AGTPBP1: variants seen among roughly 807,000 people sequenced by gnomAD.
AGTPBP1 encodes the protein ATP/GTP binding carboxypeptidase 1, also known as cytosolic carboxypeptidase 1.
AGTPBP1 carries 70 observed loss-of-function variants against 143.9 expected under a neutral mutation model. That is an observed-to-expected ratio of 0.49 (90% CI 0.40 to 0.59). The LOEUF (loss-of-function observed/expected upper bound fraction) is 0.59, where lower values mean the gene tolerates loss of function less well. AGTPBP1 is among the 20% of genes least tolerant of loss of function. The pLI is 0.00. For missense variants in AGTPBP1, 1,229 were observed against 1,464.5 expected, an observed-to-expected ratio of 0.84 and a Z score of 2.62; for synonymous variants, 463 against 500.2, an observed-to-expected ratio of 0.93 and a Z score of 0.99.
chr9:85,761,487 G>A, the AGTPBP1 span, among the ~76,000 whole-genome samples: 3 of 152,166 alleles, frequency 2.0e-5, no homozygotes, highest in African/African-American at 4.8e-5. Context: ...ACAACTCTCT[G>A]ATCTTTGACA....
intron 8 of AGTPBP1, 33 bp from the exon 9 acceptor site, chr9:85,661,006 C>A (rs2133979263): frequency 1.3e-6 from 2 of 1,561,850 alleles, no homozygotes; most frequent in Middle Eastern, 1.7e-4. Context: ...CAAACAACAA[C>A]AAAACTAGTA....
the AGTPBP1 span, among the ~76,000 whole-genome samples, chr9:85,792,750 A>ACTTTATCAAATAAATG: frequency 1.4e-3 from 209 of 152,236 alleles, 2 homozygotes; most frequent in South Asian, 3.7e-3. Flanking sequence ...ACATAGTCTT[A>ACTTTATCAAATAAATG]CTTTATCAAA....
intron 17 of AGTPBP1, among the ~76,000 whole-genome samples, chr9:85,601,895 T>G (rs1829696106): frequency 6.6e-6 from 1 of 152,042 alleles, no homozygotes; most frequent in Admixed American, 6.6e-5. Context: ...AACCACACCC[T>G]AAGCCAGTGA....
intron 14 of AGTPBP1, among the ~76,000 whole-genome samples, chr9:85,627,663 T>G (rs1392467114): frequency 5.3e-5 from 8 of 152,150 alleles, no homozygotes; most frequent in Admixed American, 4.6e-4. Context: ...CCTTCCCCTT[T>G]GCCCCTGCTG....
rs142859733 is a variant in AGTPBP1 at position 85,582,139 on chromosome 9, C to T, written c.3166-3043G>A. Among the ~76,000 whole-genome samples the T allele has an allele frequency of 4.1e-3, 631 of 152,216 alleles. 5 individuals carry two copies. The highest frequency in any genetic ancestry group is 0.014 in the African/African-American group (578 of 41,538). On this transcript the variant is annotated intron_variant, in intron 23 of 25. Transcript: ENST00000357081. ...ATTTTCATTTTTCTGTCACCCTTAA[C>T]GTTAATATCTTAACCATAGTTCAGT...
At chr9:85,783,964 T>C in the AGTPBP1 span, among the ~76,000 whole-genome samples, 1 of 152,250 alleles carries the variant, frequency 6.6e-6, no homozygotes. Flanking sequence ...ACAAGACTTA[T>C]ATTTTCTTTG....
At chr9:85,757,471 G>C in the AGTPBP1 span, among the ~76,000 whole-genome samples, 1 of 151,898 alleles carries the variant, frequency 6.6e-6, no homozygotes, top group Non-Finnish European at 1.5e-5. Context: ...CAGTAGAGGA[G>C]ATAACAGAGG....
chr9:85,724,284 C>T (rs1490658912), intron 1 of AGTPBP1, among the ~76,000 whole-genome samples: 1 of 118,500 alleles, frequency 8.4e-6, no homozygotes, highest in Non-Finnish European at 1.6e-5. Context: ...GAGACTTTGT[C>T]TCAAAAAAAA....
In AGTPBP1 at chr9:85,589,670, T is replaced by C. The variant is rs149254033; in HGVS notation, c.2580A>G (p.Gln860=). The part of the protein sequence containing the change: ...YTYSTLQMHL[Q]KLESAHNPQQ... ...GAGGATTGTGTGCTGATTCCAATTT[T>C]TGAAGATGCATCTTGATAAAAATTT... Residue 860 remains glutamine (Q), a synonymous_variant, in exon 20 of 26, where the codon CAA becomes CAG. Transcript: ENST00000357081. The C allele has an allele frequency of 6.2e-7, 1 of 1,603,588 alleles. No homozygotes were observed. Among genetic ancestry groups the C allele is most frequent in the African/African-American group, 1.3e-5 (1 of 74,226 alleles).
At chr9:85,584,502 A>G (rs1184811772) in intron 23 of AGTPBP1, among the ~76,000 whole-genome samples, 1 of 152,202 alleles carries the variant, frequency 6.6e-6, no homozygotes. Flanking sequence ...TTATTCTCAC[A>G]CTTGCTGATA....
chr9:85,690,537 G>GAGTAC (rs1026699112), intron 3 of AGTPBP1, among the ~76,000 whole-genome samples: 1 of 152,024 alleles, frequency 6.6e-6, no homozygotes, highest in African/African-American at 2.4e-5. Flanking sequence ...GTATGGTCAG[G>GAGTAC]AGTACTTTCA....
At chr9:85,710,221 G>T (rs12551543) in intron 2 of AGTPBP1, among the ~76,000 whole-genome samples, 12,462 of 151,912 alleles carry the variant, frequency 0.082, 1,183 homozygotes, top group East Asian at 0.55. Flanking sequence ...TGTATTAAGT[G>T]TTATACTCAT....
intron 25 of AGTPBP1, among the ~76,000 whole-genome samples, chr9:85,549,481 A>C (rs1268440018): frequency 1.3e-5 from 2 of 152,252 alleles, no homozygotes; most frequent in Non-Finnish European, 2.9e-5. Flanking sequence ...CTGGGAGCCC[A>C]GCCACTGCAC....
chr9:85,566,963 A>G (rs1041093385), intron 25 of AGTPBP1, among the ~76,000 whole-genome samples: 9 of 152,252 alleles, frequency 5.9e-5, no homozygotes, highest in African/African-American at 1.9e-4. Flanking sequence ...TCACAGCCAG[A>G]ACTTTCATGA....
Position 85,632,657 on chromosome 9 carries a change from C to T in AGTPBP1, c.2015+5G>A. On this transcript the variant is annotated splice_donor_5th_base_variant and intron_variant, in intron 14 of 25. Transcript: ENST00000357081. ...TTTAGAAGAGGGAAGAAATATGCAA[C>T]TCACCTTTGTACACCATAAGGCCTT... The T allele has an allele frequency of 6.4e-7, 1 of 1,570,702 alleles. No homozygotes were observed. The highest frequency in any genetic ancestry group is 8.6e-7 in the Non-Finnish European group (1 of 1,158,274).
chr9:85,656,465 AAT>A (rs1833514837), intron 10 of AGTPBP1, among the ~76,000 whole-genome samples: 1 of 152,180 alleles, frequency 6.6e-6, no homozygotes, highest in Non-Finnish European at 1.5e-5. Context: ...GTAAACATAA[AAT>A]ATGTGTTCAG....
At chr9:85,690,681 C>T (rs886466270) in intron 3 of AGTPBP1, among the ~76,000 whole-genome samples, 7 of 133,942 alleles carry the variant, frequency 5.2e-5, no homozygotes, top group Admixed American at 2.3e-4. Context: ...TCTCTGATAG[C>T]GGTATGGTCA....
intron 17 of AGTPBP1, among the ~76,000 whole-genome samples, chr9:85,599,004 G>A (rs1421630960): frequency 1.3e-5 from 2 of 152,140 alleles, no homozygotes; most frequent in Admixed American, 1.3e-4. Context: ...TTACAGGCGT[G>A]AGCCACCGTA....
chr9:85,785,963 A>G, the AGTPBP1 span: 5 of 604,600 alleles, frequency 8.3e-6, no homozygotes, highest in African/African-American at 1.9e-5. Context: ...TTCATCTAAA[A>G]TAAGTCATTT....
Sources: gnomAD v4.1 joint callset for allele counts (sites outside exome capture counted in the v4.1 genomes callset) on GRCh38, gnomAD v4.1.1 for gene constraint, MANE v1.5 for transcripts, NCBI Gene and HGNC (gene_info 2026-07-23, HGNC 2026-07-21) for gene names.